The following CNOT2 variants were observed in gnomAD, a reference collection of about 807,000 sequenced individuals.
CNOT2 encodes CC chemokine receptor 4-negative regulator of transcription 2.
Under a neutral mutation model 72.1 loss-of-function variants are expected in CNOT2, and 7 were observed. The observed-to-expected ratio is 0.10, with a 90% CI of 0.06 to 0.18. The LOEUF is 0.18. CNOT2 is among the 10% of genes least tolerant of loss of function. The pLI, the probability that CNOT2 is intolerant of heterozygous loss-of-function variation, is 1.00. For missense variants in CNOT2, 345 were observed against 660.3 expected, an observed-to-expected ratio of 0.52 and a Z score of 5.23; for synonymous variants, 196 against 225.6, an observed-to-expected ratio of 0.87 and a Z score of 1.17.
rs78186306 is a variant in CNOT2, at chr12:70,324,818, T to C, written c.239-4605T>C. Among the ~76,000 whole-genome samples the C allele has an allele frequency of 7.5e-3, 1,145 of 151,958 alleles. 8 individuals are homozygous for C. Among genetic ancestry groups the C allele is most frequent in the Middle Eastern group, 0.017 (5 of 294 alleles). ...GGTGTATAACTTGTCCTCATTTTCA[T>C]ATATCTCGTCATTCTCTCAGACTGA... On this transcript the variant is annotated intron_variant, in intron 4 of 15. Coordinates refer to ENST00000229195, the MANE Select transcript of CNOT2 (RefSeq NM_014515.7).
chr12:70,324,164 T>G (rs1878718957), intron 4 of CNOT2: 1 of 151,840 alleles, frequency 6.6e-6, no homozygotes, highest in African/African-American at 2.4e-5. Context: ...GAAAGCCATT[T>G]GTACATAGTA....
At position 70,263,687 on chromosome 12, in the gene CNOT2, TAAAC is replaced by T. The variant is rs142736363; in HGVS notation, c.-95-14443_-95-14440del. Among the ~76,000 whole-genome samples the T allele has an allele frequency of 7.0e-3, 1,064 of 152,372 alleles. 5 individuals are homozygous for T. The highest frequency in any genetic ancestry group is 0.023 in the African/African-American group (960 of 41,594). On this transcript the variant is annotated intron_variant, in intron 1 of 15. Transcript: ENST00000229195. Reference sequence around the variant, plus strand: ...TTATTAAGTCTGACATCTTGGCTCTTAAACAGGCAGTTTTCGTTGACTGCTTTTT... The same window carrying T: ...TTATTAAGTCTGACATCTTGGCTCTTAGGCAGTTTTCGTTGACTGCTTTTT...
intron 3 of CNOT2, among the ~76,000 whole-genome samples, chr12:70,313,328 C>T (rs1360717242): frequency 2.0e-5 from 3 of 151,920 alleles, no homozygotes; most frequent in Non-Finnish European, 4.4e-5. Flanking sequence ...CCCAGTTTTT[C>T]ACCTTTAATT....
chr12:70,243,838 C>T (rs1224994695), intron 1 of CNOT2: 1 of 152,120 alleles, frequency 6.6e-6, no homozygotes, highest in Non-Finnish European at 1.5e-5. Flanking sequence ...AGACTCCACT[C>T]CCCTAGGCTC....
intron 8 of CNOT2, chr12:70,336,111 T>C (rs756533734): frequency 6.6e-6 from 1 of 152,354 alleles, no homozygotes; most frequent in Non-Finnish European, 1.5e-5. Flanking sequence ...AGTAGCACTT[T>C]CTGTTTCTAA....
At chr12:70,301,733 A>T (rs1255036243) in intron 2 of CNOT2, 1 of 152,232 alleles carries the variant, frequency 6.6e-6, no homozygotes, top group Non-Finnish European at 1.5e-5. Flanking sequence ...TGCTGGCCTC[A>T]TAAAATGAAT....
At chr12:70,292,530 C>T (rs1872098811) in intron 2 of CNOT2, among the ~76,000 whole-genome samples, 1 of 152,086 alleles carries the variant, frequency 6.6e-6, no homozygotes. Flanking sequence ...ATAACAAAGG[C>T]AAGGGCTTGG....
intron 2 of CNOT2, among the ~76,000 whole-genome samples, chr12:70,292,660 G>T (rs1196760139): frequency 6.6e-6 from 1 of 152,228 alleles, no homozygotes; most frequent in East Asian, 1.9e-4. Flanking sequence ...GTAAGGTCAT[G>T]AAGGCCTTGG....
At chr12:70,274,275 C>T (rs1868388729) in intron 1 of CNOT2, among the ~76,000 whole-genome samples, 1 of 152,102 alleles carries the variant, frequency 6.6e-6, no homozygotes, top group South Asian at 2.1e-4. Flanking sequence ...ATTAAGAAAA[C>T]ATTGCTTGAT....
At chr12:70,288,781 C>G (rs1016013143) in intron 2 of CNOT2, among the ~76,000 whole-genome samples, 1 of 152,136 alleles carries the variant, frequency 6.6e-6, no homozygotes, top group East Asian at 1.9e-4. Context: ...CAAACAACAT[C>G]TATTTTAATT....
At chr12:70,268,584 C>T (rs1235822726) in intron 1 of CNOT2, among the ~76,000 whole-genome samples, 3 of 151,932 alleles carry the variant, frequency 2.0e-5, no homozygotes, top group Non-Finnish European at 2.9e-5. Context: ...GTAGTTGGGA[C>T]TACAGGGTGC....
chr12:70,276,936 T>G (rs903026623), intron 1 of CNOT2, among the ~76,000 whole-genome samples: 2 of 152,050 alleles, frequency 1.3e-5, no homozygotes, highest in Admixed American at 6.6e-5. Flanking sequence ...TTTTAAAACT[T>G]AAATTTAGTA....
chr12:70,272,349 A>G (rs1868255796), intron 1 of CNOT2, among the ~76,000 whole-genome samples: 1 of 152,158 alleles, frequency 6.6e-6, no homozygotes, highest in Admixed American at 6.5e-5. Flanking sequence ...CTGAAAAGAG[A>G]TAGTCAAGCA....
chr12:70,335,791 A>G (rs1189076696), intron 8 of CNOT2: 5 of 344,286 alleles, frequency 1.5e-5, no homozygotes, highest in Non-Finnish European at 2.1e-5. Flanking sequence ...AAAACCCAAG[A>G]GGAAGTCCTC....
In CNOT2 at chr12:70,257,417, G is replaced by A. The variant is rs531488854; in HGVS notation, c.-96+13937G>A. Among the ~76,000 whole-genome samples the A allele has an allele frequency of 1.3e-4, 19 of 147,178 alleles. 1 individual carries two copies. The South Asian group carries it at 2.6e-3, about 20-fold the overall frequency. On this transcript the variant is annotated intron_variant, in intron 1 of 15. Coordinates refer to ENST00000229195, the MANE Select transcript of CNOT2 (RefSeq NM_014515.7). ...GCTCTTTCGCCCAGGCTGGAGGGCAGTGGCACCATCTCGGCTCACTGCAAG... is the reference window on the plus strand; with the variant it reads ...GCTCTTTCGCCCAGGCTGGAGGGCAATGGCACCATCTCGGCTCACTGCAAG...
rs1468129777 is a variant in CNOT2, at chr12:70,278,126, C to T, written c.-95-6C>T. 5 of 777,832 alleles carry T rather than the reference C, an allele frequency of 6.4e-6. No homozygotes were observed. Among genetic ancestry groups the T allele is most frequent in the Non-Finnish European group, 2.2e-6 (1 of 452,408 alleles). The allele number at this position is 777,832 out of a possible 1,614,324, so 48.2% of individuals were successfully genotyped here. On this transcript the variant is annotated splice_polypyrimidine_tract_variant and splice_region_variant and intron_variant, in intron 1 of 15. Coordinates refer to ENST00000229195, the MANE Select transcript of CNOT2 (RefSeq NM_014515.7). ...TTTTGATGGCTTTTGGATAATTCCACTCTAGAGGGAGACGTGGTGGGCGGT... is the reference window on the plus strand; with the variant it reads ...TTTTGATGGCTTTTGGATAATTCCATTCTAGAGGGAGACGTGGTGGGCGGT...
chr12:70,250,191 A>C (rs1958073504), intron 1 of CNOT2, among the ~76,000 whole-genome samples: 1 of 152,202 alleles, frequency 6.6e-6, no homozygotes, highest in Non-Finnish European at 1.5e-5. Flanking sequence ...AGCACAAATA[A>C]GTGAAACACT....
At chr12:70,301,129 C>T (rs928055957) in intron 2 of CNOT2, among the ~76,000 whole-genome samples, 1 of 152,082 alleles carries the variant, frequency 6.6e-6, no homozygotes, top group Non-Finnish European at 1.5e-5. Flanking sequence ...GGCTGAGATG[C>T]TGGAGTTTTC....
chr12:70,279,855 C>T (rs1869506897), intron 2 of CNOT2, among the ~76,000 whole-genome samples: 1 of 151,886 alleles, frequency 6.6e-6, no homozygotes, highest in African/African-American at 2.4e-5. Flanking sequence ...CTTATTCTTG[C>T]TCTTTCTACA....
Sources: gnomAD v4.1 joint callset for allele counts (sites outside exome capture counted in the v4.1 genomes callset) on GRCh38, gnomAD v4.1.1 for gene constraint, MANE v1.5 for transcripts, NCBI Gene and HGNC (gene_info 2026-07-23, HGNC 2026-07-21) for gene names.